The following AOPEP variants were observed in gnomAD, a reference collection of about 807,000 sequenced individuals.
The protein encoded by AOPEP is aminopeptidase O (putative).
In AOPEP, 77 loss-of-function variants were observed where a neutral mutation model predicts 98.1. The ratio of observed to expected loss-of-function variants is 0.78; its 90% CI spans 0.65 to 0.95. AOPEP has a LOEUF of 0.95. AOPEP is among the 40% of genes least tolerant of loss of function. AOPEP has a pLI of 0.00. For synonymous variants in AOPEP, 346 were observed against 365.3 expected (o/e 0.95, Z 0.60); for missense variants, 1,024 against 1,024.7 (o/e 1.00, Z 0.01).
chr9:94,910,457 C>T (rs746063971), intron 5 of AOPEP, among the ~76,000 whole-genome samples: 13 of 152,208 alleles, frequency 8.5e-5, no homozygotes, highest in Admixed American at 2.6e-4. Flanking sequence ...ACATCAACCG[C>T]GGATCTTCTT....
At chr9:95,030,414 T>C (rs759144288) in intron 13 of AOPEP, among the ~76,000 whole-genome samples, 1 of 152,250 alleles carries the variant, frequency 6.6e-6, no homozygotes, top group Non-Finnish European at 1.5e-5. Flanking sequence ...AAAAAGCAAC[T>C]TCATTGACCA....
At chr9:94,823,862 T>C (rs1023327003) in intron 5 of AOPEP, among the ~76,000 whole-genome samples, 8 of 152,192 alleles carry the variant, frequency 5.3e-5, no homozygotes, top group South Asian at 4.1e-4. Context: ...TATCACTTTG[T>C]GGAAGCCATG....
intron 5 of AOPEP, among the ~76,000 whole-genome samples, chr9:94,922,244 A>T (rs907322227): frequency 2.0e-5 from 3 of 152,154 alleles, no homozygotes; most frequent in African/African-American, 7.2e-5. Flanking sequence ...CGGACAGTGG[A>T]GGCTTTTTCT....
At chr9:94,923,197 C>T (rs996735705) in intron 5 of AOPEP, among the ~76,000 whole-genome samples, 3 of 152,104 alleles carry the variant, frequency 2.0e-5, no homozygotes, top group African/African-American at 4.8e-5. Context: ...CCCCTTCTTC[C>T]CATTCCACCT....
chr9:95,027,516 G>A (rs1419969588), intron 13 of AOPEP, among the ~76,000 whole-genome samples: 1 of 151,896 alleles, frequency 6.6e-6, no homozygotes, highest in African/African-American at 2.4e-5. Flanking sequence ...TTTTAGTTCT[G>A]TTACTCAAAC....
At chr9:95,097,374 C>G in the AOPEP span, among the ~76,000 whole-genome samples, 222 of 152,346 alleles carry the variant, frequency 1.5e-3, no homozygotes, top group African/African-American at 5.1e-3. Context: ...GTTAAAGAAG[C>G]TGAAGCCAGA....
the AOPEP span, among the ~76,000 whole-genome samples, chr9:95,140,755 ACT>A: frequency 1.3e-5 from 2 of 152,194 alleles, no homozygotes; most frequent in African/African-American, 4.8e-5. Context: ...TGAAAAGAAC[ACT>A]GTTTGATCCT....
chr9:95,122,485 CT>C, the AOPEP span, among the ~76,000 whole-genome samples: 1 of 152,152 alleles, frequency 6.6e-6, no homozygotes, highest in African/African-American at 2.4e-5. Flanking sequence ...AGCAAAGAGA[CT>C]TTCCTTTCCT....
intron 6 of AOPEP, 141 bp from the exon 7 acceptor site, chr9:94,928,284 C>A: frequency 1.6e-6 from 1 of 631,536 alleles, no homozygotes; most frequent in South Asian, 1.9e-5. Context: ...GCTCCAGTGG[C>A]CTTTAGGTTT....
chr9:94,831,907 A>G (rs1856058298), intron 5 of AOPEP, among the ~76,000 whole-genome samples: 1 of 152,142 alleles, frequency 6.6e-6, no homozygotes, highest in Admixed American at 6.5e-5. Flanking sequence ...TTTTAAAATG[A>G]GAGGTGGACT....
the AOPEP span, chr9:95,126,553 A>C: frequency 6.2e-7 from 1 of 1,614,088 alleles, no homozygotes; most frequent in Non-Finnish European, 8.5e-7. Flanking sequence ...AACAACCCGG[A>C]ATATGGCAGG....
At position 94,728,139 on chromosome 9, in the gene AOPEP, T is replaced by C. The variant is rs114339521; in HGVS notation, c.-136+1388T>C. On this transcript the variant is annotated intron_variant, in intron 1 of 16. Transcript: ENST00000375315. ...AGTTTGTTCACCTACACAAATGATT[T>C]AACACTTTTTAATATCTTTAATACT... Among the ~76,000 whole-genome samples the C allele has an allele frequency of 9.7e-3, 1,480 of 152,294 alleles. 10 individuals are homozygous for C. The highest frequency in any genetic ancestry group is 0.034 in the African/African-American group (1,406 of 41,538).
At chr9:94,741,040 G>A (rs1004894831) in intron 1 of AOPEP, among the ~76,000 whole-genome samples, 28 of 152,058 alleles carry the variant, frequency 1.8e-4, no homozygotes, top group African/African-American at 6.5e-4. Context: ...GGCAGGAGGA[G>A]AGAGAGAGTG....
chr9:94,846,660 CT>C (rs999368916), intron 5 of AOPEP, among the ~76,000 whole-genome samples: 1 of 152,208 alleles, frequency 6.6e-6, no homozygotes, highest in African/African-American at 2.4e-5. Context: ...AATCCTAGCA[CT>C]TTCCAAGGCC....
intron 13 of AOPEP, among the ~76,000 whole-genome samples, chr9:95,012,986 T>G (rs1589261376): frequency 1.1e-5 from 1 of 91,734 alleles, no homozygotes; most frequent in African/African-American, 3.7e-5. Flanking sequence ...TGTTTTTTTT[T>G]TGGGGGGGGG....
chr9:94,762,509 A>G (rs974282567), intron 2 of AOPEP, among the ~76,000 whole-genome samples: 1 of 152,100 alleles, frequency 6.6e-6, no homozygotes, highest in Non-Finnish European at 1.5e-5. Flanking sequence ...CCTTCAAATG[A>G]TAAATTTAGT....
downstream of AOPEP, among the ~76,000 whole-genome samples, chr9:95,087,872 A>G (rs890832581): frequency 7.2e-5 from 11 of 152,330 alleles, no homozygotes; most frequent in Non-Finnish European, 1.6e-4. Flanking sequence ...GCACCTGAAC[A>G]CACCCACAGT....
chr9:94,773,305 G>T (rs981420573), intron 3 of AOPEP, 137 bp downstream of exon 3: 11 of 746,448 alleles, frequency 1.5e-5, no homozygotes, highest in Admixed American at 2.8e-5. Context: ...AAAACATCCT[G>T]CCAGGGAAAA....
chr9:95,135,489 G>C, the AOPEP span: 1 of 1,613,958 alleles, frequency 6.2e-7, no homozygotes, highest in Non-Finnish European at 8.5e-7. Flanking sequence ...GACATGGGGA[G>C]AGAAATCTTC....
Sources: allele counts gnomAD v4.1 joint callset (sites outside exome capture counted in the v4.1 genomes callset), GRCh38; gene constraint gnomAD v4.1.1; transcripts MANE v1.5; gene names NCBI Gene and HGNC (gene_info 2026-07-23, HGNC 2026-07-21).